Variants in NRG1 observed in about 807,000 individuals in gnomAD.
The protein encoded by NRG1 is neuregulin 1, also known as pro-neuregulin-1, membrane-bound isoform.
NRG1 carries 18 observed loss-of-function variants against 63.8 expected under a neutral mutation model. The observed-to-expected ratio is 0.28, with a 90% CI of 0.19 to 0.42. NRG1 has a LOEUF of 0.42. NRG1 is among the 10% of genes least tolerant of loss of function. The pLI is 1.00. For missense variants in NRG1, 762 were observed against 814.7 expected (o/e 0.94, Z 0.79); for synonymous variants, 302 against 301.3 (o/e 1.00, Z -0.02).
At chr8:32,244,362 A>G (rs547900813) in intron 1 of NRG1, among the ~76,000 whole-genome samples, 67 of 152,328 alleles carry the variant, frequency 4.4e-4, no homozygotes, top group Admixed American at 5.2e-4. Flanking sequence ...TTGGTAGAAG[A>G]GAAAACCAGT....
chr8:31,920,909 T>TAGATAGATAGATAGATAGAC (rs1554576956), intron 1 of NRG1, among the ~76,000 whole-genome samples: 3 of 151,582 alleles, frequency 2.0e-5, no homozygotes, highest in African/African-American at 7.3e-5. Flanking sequence ...GATAGATAGA[T>TAGATAGATAGATAGATAGAC]AGATAGATAG....
intron 1 of NRG1, chr8:32,139,069 C>T (rs1835914128): frequency 6.6e-6 from 1 of 152,222 alleles, no homozygotes; most frequent in African/African-American, 2.4e-5. Context: ...TGACCTCAAG[C>T]AACCATTCTG....
chr8:32,753,203 A>AGTT (rs1260201876), intron 7 of NRG1, among the ~76,000 whole-genome samples: 10 of 152,178 alleles, frequency 6.6e-5, no homozygotes, highest in Admixed American at 2.6e-4. Flanking sequence ...ATTTCATACC[A>AGTT]GTTGAGTTCT....
At chr8:31,732,569 C>T (rs1814202476) in intron 1 of NRG1, among the ~76,000 whole-genome samples, 1 of 151,990 alleles carries the variant, frequency 6.6e-6, no homozygotes, top group African/African-American at 2.4e-5. Flanking sequence ...GCATTAAAGT[C>T]AGGACTTTTA....
chr8:32,703,533 C>CA (rs1183592625), intron 5 of NRG1, among the ~76,000 whole-genome samples: 56 of 120,018 alleles, frequency 4.7e-4, no homozygotes, highest in African/African-American at 1.0e-3. Flanking sequence ...ACCCTGTCTA[C>CA]AAAAAAAAAA....
chr8:31,802,267 TC>T (rs1022823305), intron 1 of NRG1, among the ~76,000 whole-genome samples: 2 of 152,234 alleles, frequency 1.3e-5, no homozygotes, highest in African/African-American at 4.8e-5. Context: ...TGTTCTGCTT[TC>T]CTTTTTCTGA....
intron 1 of NRG1, among the ~76,000 whole-genome samples, chr8:32,493,250 T>C (rs1316503785): frequency 1.3e-5 from 2 of 152,038 alleles, no homozygotes; most frequent in African/African-American, 4.8e-5. Flanking sequence ...TTAGAACAAA[T>C]GAACTAAGAA....
chr8:31,786,399 T>C (rs1820174377), intron 1 of NRG1, among the ~76,000 whole-genome samples: 1 of 152,186 alleles, frequency 6.6e-6, no homozygotes, highest in South Asian at 2.1e-4. Flanking sequence ...TGGGGATTTC[T>C]CACTACCAAC....
intron 5 of NRG1, among the ~76,000 whole-genome samples, chr8:32,725,104 TTTA>T (rs1442387719): frequency 6.6e-6 from 1 of 152,338 alleles, no homozygotes; most frequent in East Asian, 1.9e-4. Flanking sequence ...ACTGCTTTTT[TTTA>T]TTGTTTACAT....
rs149875911 is a variant in NRG1, at chr8:32,031,226, G to A, written c.37+391795G>A. Among the ~76,000 whole-genome samples, 194 of 152,262 alleles carry A rather than the reference G, an allele frequency of 1.3e-3. 1 individual carries two copies. The highest frequency in any genetic ancestry group is 4.5e-3 in the African/African-American group (187 of 41,552). On this transcript the variant is annotated intron_variant, in intron 1 of 10. Coordinates refer to the NRG1 transcript ENST00000519301. ...CCATCACCAGGCTCTGTCTCCATGGGCAGCAGCCTCTGTGCCCAGGCCACC... is the reference window on the plus strand; with the variant it reads ...CCATCACCAGGCTCTGTCTCCATGGACAGCAGCCTCTGTGCCCAGGCCACC...
chr8:32,701,585 C>G (rs997006154), intron 5 of NRG1, among the ~76,000 whole-genome samples: 1 of 152,132 alleles, frequency 6.6e-6, no homozygotes, highest in African/African-American at 2.4e-5. Flanking sequence ...CTTACAAACT[C>G]CTGATTTCTC....
chr8:32,646,341 A>G (rs760407600), intron 5 of NRG1, among the ~76,000 whole-genome samples: 1 of 152,220 alleles, frequency 6.6e-6, no homozygotes, highest in Non-Finnish European at 1.5e-5. Context: ...GTCCATGGTT[A>G]GGAAAAAAAT....
intron 1 of NRG1, among the ~76,000 whole-genome samples, chr8:32,111,593 A>G (rs1437965093): frequency 6.6e-6 from 1 of 152,124 alleles, no homozygotes; most frequent in Non-Finnish European, 1.5e-5. Flanking sequence ...ATGAATTGCA[A>G]TCACATTGTG....
chr8:32,209,716 T>C (rs200619438), intron 1 of NRG1, among the ~76,000 whole-genome samples: 3 of 12,360 alleles, frequency 2.4e-4, no homozygotes, highest in East Asian at 1.2e-3. Context: ...CTCTTTCCCT[T>C]CCTTCCTTCC....
intron 1 of NRG1, among the ~76,000 whole-genome samples, chr8:32,145,914 G>A (rs565262753): frequency 6.6e-6 from 1 of 152,262 alleles, no homozygotes; most frequent in Admixed American, 6.5e-5. Flanking sequence ...ATAAGATGCC[G>A]CATACTCTCC....
intron 1 of NRG1, among the ~76,000 whole-genome samples, chr8:31,858,115 C>T (rs1018759922): frequency 7.2e-5 from 11 of 151,998 alleles, no homozygotes; most frequent in South Asian, 4.2e-4. Flanking sequence ...CTGGCTAACA[C>T]AGTGAAACCC....
intron 1 of NRG1, among the ~76,000 whole-genome samples, chr8:32,319,448 A>G (rs6983250): frequency 0.68 from 102,890 of 152,028 alleles, 35,069 homozygotes; most frequent in Middle Eastern, 0.83. Context: ...ATTCAAGAGG[A>G]GAAGAAGGCT....
At chr8:32,191,002 GA>G (rs2132194783) in intron 1 of NRG1, among the ~76,000 whole-genome samples, 1 of 152,246 alleles carries the variant, frequency 6.6e-6, no homozygotes, top group African/African-American at 2.4e-5. Flanking sequence ...GCTCCAGTTG[GA>G]GACAATACTT....
rs114872396 is a variant in NRG1, at chr8:31,843,251, T to C, written c.37+203820T>C. ...AGAAGTAGCAGTTTTATAAATCTTATGTTGTAGTGGCTGGAAGGGACAGGG... is the reference window on the plus strand; with the variant it reads ...AGAAGTAGCAGTTTTATAAATCTTACGTTGTAGTGGCTGGAAGGGACAGGG... On this transcript the variant is annotated intron_variant, in intron 1 of 10. Coordinates refer to the NRG1 transcript ENST00000519301. Among the ~76,000 whole-genome samples, 663 of 152,312 alleles carry C rather than the reference T, an allele frequency of 4.4e-3. 7 individuals carry two copies. Among genetic ancestry groups the C allele is most frequent in the African/African-American group, 0.015 (625 of 41,576 alleles).
Sources: allele counts gnomAD v4.1 joint callset (sites outside exome capture counted in the v4.1 genomes callset), GRCh38; gene constraint gnomAD v4.1.1; transcripts MANE v1.5; gene names NCBI Gene and HGNC (gene_info 2026-07-23, HGNC 2026-07-21).